Variants in SLC9A9 observed in about 807,000 individuals in gnomAD.
The protein encoded by SLC9A9 is solute carrier family 9 member A9.
In SLC9A9, 62 loss-of-function variants were observed where a neutral mutation model predicts 77.8. That is an observed-to-expected ratio of 0.80 (90% CI 0.65 to 0.98). The LOEUF is 0.98. Among genes scored for constraint, SLC9A9 ranks in the 50% least tolerant of loss-of-function variants. The pLI, the probability that SLC9A9 is intolerant of heterozygous loss-of-function variation, is 0.00. For synonymous variants in SLC9A9, 320 were observed against 283.5 expected (o/e 1.13, Z -1.29); for missense variants, 775 against 774.9 (o/e 1.00, Z 0.00).
intron 14 of SLC9A9, among the ~76,000 whole-genome samples, chr3:143,277,799 G>A (rs1938096729): frequency 6.6e-6 from 1 of 152,120 alleles, no homozygotes; most frequent in Admixed American, 6.5e-5. Context: ...GGCCTTTGAA[G>A]GTCACTTCCC....
At position 143,265,387 on chromosome 3, in the gene SLC9A9, G is replaced by T. The variant is rs2108392030; in HGVS notation, c.*1315C>A. 2 of 153,326 alleles carry T rather than the reference G, an allele frequency of 1.3e-5. No homozygotes were observed. Among genetic ancestry groups the T allele is most frequent in the South Asian group, 4.1e-4 (2 of 4,836 alleles). 9.5% of individuals were successfully genotyped at this position (153,326 alleles called of 1,614,324 possible). ...AAAAAAATAATTGATGCACATAGCA[G>T]TGTGCCTGATACCACCACAGTGAAT... is the stretch of plus-strand genomic sequence containing the variant. On this transcript the variant is annotated 3_prime_UTR_variant, in exon 16 of 16. Transcript: ENST00000316549.
chr3:143,723,754 A>G (rs1004260296), intron 4 of SLC9A9, among the ~76,000 whole-genome samples: 1 of 152,188 alleles, frequency 6.6e-6, no homozygotes, highest in East Asian at 1.9e-4. Context: ...GTCCTCTGAC[A>G]TCTTAGCACT....
intron 6 of SLC9A9, among the ~76,000 whole-genome samples, chr3:143,588,115 G>A (rs2037577263): frequency 6.6e-6 from 1 of 152,152 alleles, no homozygotes; most frequent in Non-Finnish European, 1.5e-5. Context: ...TACTATAAAA[G>A]GGTAGTGAAT....
At chr3:143,484,851 A>T (rs560208904) in intron 11 of SLC9A9, among the ~76,000 whole-genome samples, 31 of 152,282 alleles carry the variant, frequency 2.0e-4, no homozygotes, top group African/African-American at 7.5e-4. Flanking sequence ...CATTGTTATT[A>T]TTTTTTAATC....
chr3:143,481,881 G>A (rs2035580658), intron 11 of SLC9A9, among the ~76,000 whole-genome samples: 1 of 152,128 alleles, frequency 6.6e-6, no homozygotes, highest in African/African-American at 2.4e-5. Flanking sequence ...TTATTTCTAG[G>A]CACTGCTGAA....
intron 12 of SLC9A9, among the ~76,000 whole-genome samples, chr3:143,407,864 T>C (rs2034011779): frequency 6.6e-6 from 1 of 152,266 alleles, no homozygotes; most frequent in Non-Finnish European, 1.5e-5. Context: ...TCAGTAGGTA[T>C]ATTAGCAGCT....
At position 143,806,634 on chromosome 3, in the gene SLC9A9, T is replaced by G. The variant is rs193095566; in HGVS notation, c.379-9731A>C. Among the ~76,000 whole-genome samples the G allele has an allele frequency of 3.0e-4, 45 of 152,254 alleles. 1 individual carries two copies. In the East Asian group the frequency reaches 6.7e-3, roughly 23 times the overall value. ...AAGCCAAAAGACAAATTTTGCATAT[T>G]TTTACTCATTCTATAGCTAAAAATT... On this transcript the variant is annotated intron_variant, in intron 2 of 15. Transcript: ENST00000316549.
At chr3:143,337,588 G>A (rs988995661) in intron 14 of SLC9A9, among the ~76,000 whole-genome samples, 1 of 152,188 alleles carries the variant, frequency 6.6e-6, no homozygotes, top group Non-Finnish European at 1.5e-5. Context: ...AATCCCCTGG[G>A]ACGCTGGAGA....
chr3:143,453,606 T>C (rs908447782), intron 12 of SLC9A9, among the ~76,000 whole-genome samples: 1 of 152,192 alleles, frequency 6.6e-6, no homozygotes, highest in Non-Finnish European at 1.5e-5. Flanking sequence ...TCTCTCTATA[T>C]AAATAATTCA....
At chr3:143,522,360 C>T (rs1418056645) in intron 9 of SLC9A9, among the ~76,000 whole-genome samples, 1 of 152,122 alleles carries the variant, frequency 6.6e-6, no homozygotes, top group Admixed American at 6.6e-5. Flanking sequence ...TAGTTGACTA[C>T]CTTGTGCCAA....
intron 11 of SLC9A9, among the ~76,000 whole-genome samples, chr3:143,479,463 G>A (rs1326235467): frequency 1.3e-5 from 2 of 152,016 alleles, no homozygotes; most frequent in East Asian, 3.9e-4. Flanking sequence ...TTGTTGCCCA[G>A]GCTGGTCTCA....
intron 11 of SLC9A9, among the ~76,000 whole-genome samples, chr3:143,475,874 G>T (rs1360299379): frequency 6.6e-6 from 1 of 151,626 alleles, no homozygotes; most frequent in African/African-American, 2.4e-5. Flanking sequence ...CTGATAAATG[G>T]ATCTATCCTT....
chr3:143,608,624 C>G (rs1271125083), intron 6 of SLC9A9, among the ~76,000 whole-genome samples: 1 of 152,082 alleles, frequency 6.6e-6, no homozygotes, highest in East Asian at 1.9e-4. Context: ...GTACTGGTAG[C>G]TAAATGCAAT....
intron 14 of SLC9A9, among the ~76,000 whole-genome samples, chr3:143,298,209 T>C (rs1400091407): frequency 6.6e-6 from 1 of 152,218 alleles, no homozygotes; most frequent in African/African-American, 2.4e-5. Context: ...GTGTATCCAT[T>C]CCGTGGATGA....
At chr3:143,596,087 G>A (rs1158391821) in intron 6 of SLC9A9, among the ~76,000 whole-genome samples, 4 of 152,014 alleles carry the variant, frequency 2.6e-5, no homozygotes, top group Admixed American at 6.6e-5. Flanking sequence ...TCTCTATGTC[G>A]TCTGAGTGAT....
At chr3:143,358,738 C>T (rs1490681379) in intron 14 of SLC9A9, among the ~76,000 whole-genome samples, 1 of 152,040 alleles carries the variant, frequency 6.6e-6, no homozygotes, top group East Asian at 1.9e-4. Context: ...TCAATTTCTT[C>T]TTCTTACTTC....
chr3:143,596,127 GTT>G lies in SLC9A9; in HGVS notation c.756-17406_756-17405del. Among the ~76,000 whole-genome samples the G allele has an allele frequency of 3.3e-5, 5 of 152,286 alleles. No homozygotes were observed. The Middle Eastern group carries it at 0.01, about 311-fold the overall frequency. On this transcript the variant is annotated intron_variant, in intron 6 of 15. Transcript: ENST00000316549. ...GGGAAACAAACCAGGGTACGACATAGTTTAGTAAAGCCTGGATCACATGAAAA... is the reference window on the plus strand; with the variant it reads ...GGGAAACAAACCAGGGTACGACATAGTAGTAAAGCCTGGATCACATGAAAA...
intron 4 of SLC9A9, among the ~76,000 whole-genome samples, chr3:143,751,493 C>A (rs1463398319): frequency 6.6e-6 from 1 of 152,198 alleles, no homozygotes; most frequent in Non-Finnish European, 1.5e-5. Context: ...AAGACCTGGT[C>A]TCCTGTGCCA....
chr3:143,303,394 G>T (rs1400045257), intron 14 of SLC9A9, among the ~76,000 whole-genome samples: 5 of 150,862 alleles, frequency 3.3e-5, no homozygotes, highest in Non-Finnish European at 7.4e-5. Context: ...TTTGAGGGAA[G>T]GAGGGAAGGA....
Sources: allele counts gnomAD v4.1 joint callset (sites outside exome capture counted in the v4.1 genomes callset), GRCh38; gene constraint gnomAD v4.1.1; transcripts MANE v1.5; gene names NCBI Gene and HGNC (gene_info 2026-07-23, HGNC 2026-07-21).